PTN: variants seen among roughly 807,000 people sequenced by gnomAD.
PTN encodes the protein pleiotrophin, also known as heparin affin regulatory protein.
PTN carries 18 observed loss-of-function variants against 24.1 expected under a neutral mutation model. The observed-to-expected ratio is 0.75, with a 90% CI of 0.52 to 1.11. PTN has a LOEUF of 1.11. Ranked by LOEUF, PTN falls within the 50% of genes least tolerant of loss-of-function variation. The pLI, the probability that PTN is intolerant of heterozygous loss-of-function variation, is 0.00. For synonymous variants in PTN, 78 were observed against 68.6 expected (o/e 1.14, Z -0.67); for missense variants, 163 against 198.8 (o/e 0.82, Z 1.08).
At chr7:137,256,173 A>C (rs1219407671) in intron 1 of PTN, among the ~76,000 whole-genome samples, 1 of 151,986 alleles carries the variant, frequency 6.6e-6, no homozygotes. Context: ...GTCTCTTATT[A>C]GTGTTTTTTT....
At chr7:137,292,437 A>G (rs1322062300) in intron 1 of PTN, among the ~76,000 whole-genome samples, 1 of 152,050 alleles carries the variant, frequency 6.6e-6, no homozygotes, top group African/African-American at 2.4e-5. Flanking sequence ...AAGTCTCATG[A>G]GATCTGATAG....
At chr7:137,340,994 T>C (rs1262814270) in intron 1 of PTN, among the ~76,000 whole-genome samples, 1 of 152,220 alleles carries the variant, frequency 6.6e-6, no homozygotes, top group African/African-American at 2.4e-5. Context: ...GCCCTCAATC[T>C]ATTGTTAATT....
chr7:137,243,788 G>A lies in PTN; in HGVS notation c.451+7442C>T, dbSNP rs140139233. Among the ~76,000 whole-genome samples the A allele has an allele frequency of 1.6e-3, 247 of 152,182 alleles. 1 individual carries two copies. Among genetic ancestry groups the A allele is most frequent in the African/African-American group, 5.6e-3 (234 of 41,526 alleles). On this transcript the variant is annotated intron_variant, in intron 4 of 4. Coordinates refer to ENST00000348225, the MANE Select transcript of PTN (RefSeq NM_002825.7). ...CTGGTTTCGGAGGGTCACCTGTGGC[G>A]GACCTTCCAGTGTTCAGTTCTAAGC...
In PTN at chr7:137,234,579, T is replaced by C. The variant is rs62487103; in HGVS notation, c.452-6504A>G. Among the ~76,000 whole-genome samples, 239 of 152,128 alleles carry C rather than the reference T, an allele frequency of 1.6e-3. 1 individual carries two copies. The highest frequency in any genetic ancestry group is 2.9e-3 in the Non-Finnish European group (194 of 67,970). ...GCCATGTAGTTGGTATAAGTAAACA[T>C]CAACTCCCCACTTTCAATATTAAGA... On this transcript the variant is annotated intron_variant, in intron 4 of 4. Coordinates refer to ENST00000348225, the MANE Select transcript of PTN (RefSeq NM_002825.7).
intron 4 of PTN, among the ~76,000 whole-genome samples, chr7:137,237,500 G>A (rs78378658): frequency 8.3e-4 from 127 of 152,240 alleles, no homozygotes; most frequent in African/African-American, 3.0e-3. Context: ...CTGTAGAGGT[G>A]AAAAATAGGA....
At chr7:137,273,391 T>G (rs1008323181) in intron 1 of PTN, among the ~76,000 whole-genome samples, 2 of 152,174 alleles carry the variant, frequency 1.3e-5, no homozygotes, top group African/African-American at 4.8e-5. Context: ...TGCCTGAGAC[T>G]GGGTAATTTA....
At chr7:137,343,246 C>T (rs1195412418) in intron 1 of PTN, among the ~76,000 whole-genome samples, 193 bp downstream of exon 1, 1 of 152,148 alleles carries the variant, frequency 6.6e-6, no homozygotes, top group Non-Finnish European at 1.5e-5. Context: ...CTAACCTAAC[C>T]TGAAACCCCA....
chr7:137,254,648 G>A lies in PTN; in HGVS notation c.115+211C>T, dbSNP rs149960314. Among the ~76,000 whole-genome samples the A allele has an allele frequency of 2.6e-3, 402 of 151,766 alleles. 2 individuals carry two copies. Among genetic ancestry groups the A allele is most frequent in the African/African-American group, 9.0e-3 (373 of 41,352 alleles). On this transcript the variant is annotated intron_variant, in intron 2 of 4. Transcript: ENST00000348225. ...GATCATTATATTAATGATCATCATC[G>A]TCATGCAATCCAAGACTTACAATGG...
chr7:137,298,965 G>A (rs948361089), intron 1 of PTN, among the ~76,000 whole-genome samples: 1 of 151,840 alleles, frequency 6.6e-6, no homozygotes, highest in South Asian at 2.1e-4. Context: ...GAGTAATTGG[G>A]AGCAATTGAA....
At chr7:137,342,020 G>T (rs919452943) in intron 1 of PTN, among the ~76,000 whole-genome samples, 4 of 152,082 alleles carry the variant, frequency 2.6e-5, no homozygotes, top group African/African-American at 9.7e-5. Flanking sequence ...GGCCTTTAAA[G>T]TGCATAATTT....
chr7:137,304,661 C>A (rs772216552), intron 1 of PTN, among the ~76,000 whole-genome samples: 1 of 151,984 alleles, frequency 6.6e-6, no homozygotes, highest in Non-Finnish European at 1.5e-5. Flanking sequence ...AGATGAAAAG[C>A]AGCATAGCAC....
In PTN at chr7:137,328,964, C is replaced by G. The variant is rs1810306530; in HGVS notation, c.-2+14475G>C. Reference sequence around the variant, plus strand: ...GAATATCTTCAAATACTCACTGGACCCTTGACATTGAATAGGGGAATGGAG... The same window carrying G: ...GAATATCTTCAAATACTCACTGGACGCTTGACATTGAATAGGGGAATGGAG... On this transcript the variant is annotated intron_variant, in intron 1 of 4. Transcript: ENST00000348225. Among the ~76,000 whole-genome samples the G allele has an allele frequency of 1.3e-5, 2 of 152,066 alleles. 1 individual carries two copies. The highest frequency in any genetic ancestry group is 4.1e-4 in the South Asian group (2 of 4,820).
Position 137,253,445 on chromosome 7 carries a change from T to C in PTN, c.289+19A>G. 2.5e-6 allele frequency: 4 copies of C among 1,584,952 alleles called. No homozygotes were observed. The highest frequency in any genetic ancestry group is 3.4e-6 in the Non-Finnish European group (4 of 1,160,538). On this transcript the variant is annotated intron_variant, in intron 3 of 4. Transcript: ENST00000348225. ...AATTATCTCAGAGTAGGAGATTAAC[T>C]CAGTAGCATGAGGCTTACCGCCAAA... is the stretch of plus-strand genomic sequence containing the variant.
chr7:137,293,904 TA>T (rs1036796656), intron 1 of PTN, among the ~76,000 whole-genome samples: 3 of 152,150 alleles, frequency 2.0e-5, no homozygotes, highest in Admixed American at 1.3e-4. Context: ...TCCACTGCCC[TA>T]AAGACTGTCT....
intron 4 of PTN, among the ~76,000 whole-genome samples, chr7:137,244,820 C>T (rs191777339): frequency 6.6e-6 from 1 of 152,102 alleles, no homozygotes; most frequent in Admixed American, 6.6e-5. Context: ...TGCTTCTATA[C>T]CTCAAGAAGT....
At chr7:137,238,619 G>A (rs911252065) in intron 4 of PTN, among the ~76,000 whole-genome samples, 1 of 152,136 alleles carries the variant, frequency 6.6e-6, no homozygotes, top group African/African-American at 2.4e-5. Flanking sequence ...GGGAAGCACT[G>A]GTACAATGGA....
chr7:137,325,795 A>G (rs938047015), intron 1 of PTN: 8 of 152,232 alleles, frequency 5.3e-5, no homozygotes, highest in Admixed American at 3.3e-4. Flanking sequence ...GCATCTCTGC[A>G]TGAGTGAATC....
intron 4 of PTN, among the ~76,000 whole-genome samples, chr7:137,239,755 A>G (rs1261407788): frequency 6.6e-6 from 1 of 152,178 alleles, no homozygotes; most frequent in Non-Finnish European, 1.5e-5. Flanking sequence ...GCTGCATAGT[A>G]TATGATATAA....
At chr7:137,327,200 T>C (rs1377067942) in intron 1 of PTN, among the ~76,000 whole-genome samples, 3 of 152,194 alleles carry the variant, frequency 2.0e-5, no homozygotes. Flanking sequence ...ATCTGTTACT[T>C]CTTTAAAAAT....
Sources: allele counts gnomAD v4.1 joint callset (sites outside exome capture counted in the v4.1 genomes callset), GRCh38; gene constraint gnomAD v4.1.1; transcripts MANE v1.5; gene names NCBI Gene and HGNC (gene_info 2026-07-23, HGNC 2026-07-21).